The following SEC24D variants were observed in gnomAD, a reference collection of about 807,000 sequenced individuals.
The protein encoded by SEC24D is protein transport protein Sec24D.
In SEC24D, 69 loss-of-function variants were observed where a neutral mutation model predicts 116.9. The ratio of observed to expected loss-of-function variants is 0.59; its 90% CI spans 0.49 to 0.72. The LOEUF (loss-of-function observed/expected upper bound fraction) is 0.72. Ranked by LOEUF, SEC24D falls within the 30% of genes least tolerant of loss-of-function variation. The probability of loss-of-function intolerance (pLI) is 0.00; values close to 1 mark genes in which losing one functional copy is unlikely to be tolerated. For synonymous variants in SEC24D, 405 were observed against 442.8 expected, an observed-to-expected ratio of 0.91 and a Z score of 1.07; for missense variants, 1,131 against 1,264.1, an observed-to-expected ratio of 0.89 and a Z score of 1.60.
At chr4:118,825,536 G>A (rs1399351608) in intron 2 of SEC24D, 1 of 455,906 alleles carries the variant, frequency 2.2e-6, no homozygotes, top group Non-Finnish European at 4.4e-6. Context: ...GCTTGGGTTA[G>A]AGTAGTTCAA....
At chr4:118,793,335 CG>C (rs1729023525) in intron 8 of SEC24D, among the ~76,000 whole-genome samples, 2 of 150,480 alleles carry the variant, frequency 1.3e-5, no homozygotes, top group African/African-American at 4.9e-5. Context: ...GGCGTAGTGG[CG>C]GGCGCCTGTA....
chr4:118,797,470 G>A (rs769470746), intron 8 of SEC24D, among the ~76,000 whole-genome samples: 1 of 152,094 alleles, frequency 6.6e-6, no homozygotes, highest in African/African-American at 2.4e-5. Flanking sequence ...AAAAAGTGAC[G>A]CAGTCCATCT....
chr4:118,774,651 A>T (rs899878270), intron 8 of SEC24D, among the ~76,000 whole-genome samples: 1 of 152,300 alleles, frequency 6.6e-6, no homozygotes, highest in Admixed American at 6.5e-5. Context: ...ACAGTTTCAG[A>T]GAAAGGTACC....
At chr4:118,820,661 C>CT (rs35175042) in intron 3 of SEC24D, among the ~76,000 whole-genome samples, 79 of 146,936 alleles carry the variant, frequency 5.4e-4, no homozygotes, top group African/African-American at 1.2e-3. Context: ...GGAGTGATCC[C>CT]TTTTTTTTTT....
In SEC24D at chr4:118,740,702, G is replaced by C. The variant is rs140046192; in HGVS notation, c.2199C>G (p.His733Gln). 6.2e-7 allele frequency: 1 copy of C among 1,613,868 alleles called. No homozygotes were observed. Among genetic ancestry groups the C allele is most frequent in the Non-Finnish European group, 8.5e-7 (1 of 1,179,824 alleles). The change falls in exon 17 of 23, where the codon CAC becomes CAG. Residue 733 changes from histidine (H) to glutamine (Q), a missense_variant. Transcript: ENST00000280551. ...CDKAVTVEFKHDDKLSEDSGA... is the reference protein window; with the variant it reads ...CDKAVTVEFKQDDKLSEDSGA... ...CACTGTCTTCACTGAGTTTGTCATC[G>C]TGCTTGAACTCCACGGTCACTGCCT...
chr4:118,819,327 C>T (rs1365321460), intron 3 of SEC24D, among the ~76,000 whole-genome samples: 3 of 151,682 alleles, frequency 2.0e-5, no homozygotes, highest in East Asian at 1.9e-4. Flanking sequence ...GTCAGGAGAT[C>T]GAGACCATCC....
At chr4:118,752,505 A>G (rs1371112507) in intron 12 of SEC24D, among the ~76,000 whole-genome samples, 192 bp downstream of exon 12, 1 of 152,200 alleles carries the variant, frequency 6.6e-6, no homozygotes, top group Non-Finnish European at 1.5e-5. Flanking sequence ...ATACTGGTCT[A>G]TATTTAAAAA....
intron 2 of SEC24D, among the ~76,000 whole-genome samples, chr4:118,831,450 T>G (rs980429489): frequency 6.6e-6 from 1 of 152,164 alleles, no homozygotes; most frequent in East Asian, 1.9e-4. Flanking sequence ...TGGAATTGTT[T>G]TGGGCATGGT....
Position 118,738,357 on chromosome 4 carries a change from C to G in SEC24D, c.2400G>C (p.Gln800His). The change falls in exon 19 of 23, where the codon CAG (glutamine) becomes CAC (histidine). Residue 800 changes from glutamine (Q) to histidine (H), a missense_variant. By Grantham distance (24) the Gln-to-His change is conservative (BLOSUM62 0). Transcript: ENST00000280551. ...AKSAFKAVLH[Q>H]PLKVIREILV... ...GAATTTCCCGGATGACCTTCAAAGG[C>G]TGGTGGAGAACTGCTTTAAAAGCTA... 1 of 1,612,744 alleles carries G rather than the reference C, an allele frequency of 6.2e-7. No individual in the cohort carries two copies. Among genetic ancestry groups the G allele is most frequent in the Non-Finnish European group, 8.5e-7 (1 of 1,178,870 alleles).
chr4:118,738,111 C>T (rs1726054733), intron 19 of SEC24D, 150 bp downstream of exon 19: 2 of 566,524 alleles, frequency 3.5e-6, no homozygotes, highest in East Asian at 3.0e-5. Context: ...CCACAGCCCC[C>T]CCAAATTGCA....
At chr4:118,804,936 TCA>T (rs890038221) in intron 7 of SEC24D, among the ~76,000 whole-genome samples, 3 of 118,898 alleles carry the variant, frequency 2.5e-5, no homozygotes, top group African/African-American at 9.6e-5. Flanking sequence ...ATACAAAGAC[TCA>T]TGTACACAGT....
chr4:118,752,875 CT>C lies in SEC24D; in HGVS notation c.1434del (p.Glu479ArgfsTer21). ...AAACCCACTCGAATTGCAGACGTCT[CT>C]TCTTGCTCTTCCCTGTAAGGAAAAA... ...MLEKIPKEEQEETSAIRVGFI... is the reference protein window; with the variant it reads ...MLEKIPKEEQXETSAIRVGFI... On this transcript the variant is annotated frameshift_variant, in exon 12 of 23. Transcript: ENST00000280551. LOFTEE classifies it high-confidence loss of function. 1 of 1,567,896 alleles carries C rather than the reference CT, an allele frequency of 6.4e-7. No individual in the cohort carries two copies. Among genetic ancestry groups the C allele is most frequent in the Non-Finnish European group, 8.6e-7 (1 of 1,163,180 alleles).
intron 6 of SEC24D, among the ~76,000 whole-genome samples, chr4:118,807,033 T>C (rs114414928): frequency 0.044 from 6,651 of 152,278 alleles, 198 homozygotes; most frequent in Non-Finnish European, 0.064. Context: ...AAGAAACTTC[T>C]AAAAGGCTAA....
intron 13 of SEC24D, among the ~76,000 whole-genome samples, 164 bp from the exon 14 acceptor site, chr4:118,745,224 A>G (rs1421178074): frequency 6.6e-6 from 1 of 152,200 alleles, no homozygotes; most frequent in Non-Finnish European, 1.5e-5. Context: ...GTACTATTCT[A>G]TTTTACAGAT....
At chr4:118,777,812 G>A (rs1345471354) in intron 8 of SEC24D, among the ~76,000 whole-genome samples, 6 of 152,178 alleles carry the variant, frequency 3.9e-5, no homozygotes, top group Non-Finnish European at 5.9e-5. Flanking sequence ...TCTAACTGGC[G>A]TGAGATGGTA....
At chr4:118,810,073 G>GGTGTGTGT (rs1560736678) in intron 6 of SEC24D, among the ~76,000 whole-genome samples, 5 of 47,906 alleles carry the variant, frequency 1.0e-4, no homozygotes, top group South Asian at 1.0e-3. Flanking sequence ...GTCAGAGGTA[G>GGTGTGTGT]CTGTGTGTGT....
chr4:118,777,939 C>T (rs569675079), intron 8 of SEC24D, among the ~76,000 whole-genome samples: 22 of 152,256 alleles, frequency 1.4e-4, no homozygotes, highest in African/African-American at 4.6e-4. Context: ...ATATCCTTTG[C>T]CACTTTTTGA....
intron 8 of SEC24D, among the ~76,000 whole-genome samples, chr4:118,781,155 G>A (rs192149365): frequency 7.2e-4 from 110 of 152,088 alleles, no homozygotes; most frequent in Admixed American, 5.3e-3. Context: ...TATTTTGCCC[G>A]TTAGTTGATG....
chr4:118,794,961 GGATA>G (rs1056973746), intron 8 of SEC24D, among the ~76,000 whole-genome samples: 3 of 151,698 alleles, frequency 2.0e-5, no homozygotes, highest in Admixed American at 6.6e-5. Context: ...TTTTTTTGAA[GGATA>G]GATAGTTATA....
Sources: allele counts gnomAD v4.1 joint callset (sites outside exome capture counted in the v4.1 genomes callset), GRCh38; gene constraint gnomAD v4.1.1; transcripts MANE v1.5; gene names NCBI Gene and HGNC (gene_info 2026-07-23, HGNC 2026-07-21).